The following SEMA6D variants were observed in gnomAD, a reference collection of about 807,000 sequenced individuals.
SEMA6D encodes the protein semaphorin 6D.
A neutral mutation model predicts 106.6 loss-of-function variants in SEMA6D; 35 were observed. The ratio of observed to expected loss-of-function variants is 0.33; its 90% CI spans 0.25 to 0.44. The LOEUF (loss-of-function observed/expected upper bound fraction) is 0.44, where lower values mean the gene tolerates loss of function less well. Ranked by LOEUF, SEMA6D falls within the 20% of genes least tolerant of loss-of-function variation. The pLI is 1.00. For synonymous variants in SEMA6D, 499 were observed against 487.7 expected (o/e 1.02, Z -0.31); for missense variants, 1,185 against 1,345.9 (o/e 0.88, Z 1.87).
At chr15:47,697,436 C>G (rs1263086598) in intron 4 of SEMA6D, among the ~76,000 whole-genome samples, 1 of 152,148 alleles carries the variant, frequency 6.6e-6, no homozygotes, top group African/African-American at 2.4e-5. Context: ...GTTTGTTGCC[C>G]TAGTTTACCT....
chr15:47,642,279 A>G (rs2077502096), intron 4 of SEMA6D, among the ~76,000 whole-genome samples: 1 of 152,244 alleles, frequency 6.6e-6, no homozygotes. Flanking sequence ...GCTGGAAAGA[A>G]ACATAAAGAT....
intron 1 of SEMA6D, among the ~76,000 whole-genome samples, chr15:47,247,976 A>T (rs1293660895): frequency 1.3e-5 from 2 of 152,184 alleles, no homozygotes; most frequent in African/African-American, 4.8e-5. Context: ...CTCAGGTTCA[A>T]ATCTATAAAA....
intron 1 of SEMA6D, among the ~76,000 whole-genome samples, chr15:47,205,434 T>C (rs1303519171): frequency 6.6e-6 from 1 of 152,140 alleles, no homozygotes; most frequent in Non-Finnish European, 1.5e-5. Flanking sequence ...AATCAATGAG[T>C]GAGTGAGAGT....
chr15:47,429,004 GAGGAAGGAATGA>G (rs552901237), intron 2 of SEMA6D, among the ~76,000 whole-genome samples: 2 of 151,376 alleles, frequency 1.3e-5, no homozygotes, highest in East Asian at 1.9e-4. Context: ...GGGAGGGAGG[GAGGAAGGAATGA>G]AGGAAGGAAG....
At chr15:47,563,679 T>C (rs866062123) in intron 3 of SEMA6D, among the ~76,000 whole-genome samples, 43 of 152,348 alleles carry the variant, frequency 2.8e-4, no homozygotes, top group Middle Eastern at 6.8e-3. Flanking sequence ...CTCTTTCTTT[T>C]TGAGAGCATT....
intron 1 of SEMA6D, among the ~76,000 whole-genome samples, chr15:47,312,779 T>C (rs1255809475): frequency 6.6e-6 from 1 of 152,220 alleles, no homozygotes; most frequent in Non-Finnish European, 1.5e-5. Flanking sequence ...ATACTCAGTA[T>C]AAAAATTATT....
At chr15:47,408,025 C>T (rs2040655366) in intron 1 of SEMA6D, among the ~76,000 whole-genome samples, 1 of 152,162 alleles carries the variant, frequency 6.6e-6, no homozygotes, top group South Asian at 2.1e-4. Flanking sequence ...AGATAGGACT[C>T]TTAACCAAGT....
intron 2 of SEMA6D, among the ~76,000 whole-genome samples, chr15:47,433,839 A>C (rs1238809245): frequency 6.6e-6 from 1 of 152,170 alleles, no homozygotes; most frequent in Non-Finnish European, 1.5e-5. Context: ...CATTCGGTTC[A>C]ATTATAAGAT....
At chr15:47,583,238 G>A (rs1185306587) in intron 3 of SEMA6D, among the ~76,000 whole-genome samples, 1 of 152,164 alleles carries the variant, frequency 6.6e-6, no homozygotes, top group African/African-American at 2.4e-5. Flanking sequence ...TAGAAACTGA[G>A]TTTCTAGGAT....
intron 1 of SEMA6D, among the ~76,000 whole-genome samples, chr15:47,194,319 A>G (rs16959029): frequency 0.028 from 4,246 of 152,282 alleles, 101 homozygotes; most frequent in Middle Eastern, 0.1. Flanking sequence ...ATGTCTTAAA[A>G]ATGCTTGTCA....
intron 3 of SEMA6D, among the ~76,000 whole-genome samples, chr15:47,534,627 G>A (rs1266967634): frequency 6.6e-6 from 1 of 152,152 alleles, no homozygotes; most frequent in Non-Finnish European, 1.5e-5. Flanking sequence ...AAATGCTCAT[G>A]TAAATAAGTA....
chr15:47,357,813 TTAA>T (rs2038646456), intron 1 of SEMA6D, among the ~76,000 whole-genome samples: 1 of 152,218 alleles, frequency 6.6e-6, no homozygotes, highest in Admixed American at 6.5e-5. Flanking sequence ...ACACTGAGTG[TTAA>T]CCATCACAGC....
At chr15:47,561,997 A>G (rs147707416) in intron 3 of SEMA6D, among the ~76,000 whole-genome samples, 107 of 152,178 alleles carry the variant, frequency 7.0e-4, no homozygotes, top group African/African-American at 2.5e-3. Flanking sequence ...ACAATAGCCA[A>G]TACAACATTA....
intron 2 of SEMA6D, among the ~76,000 whole-genome samples, chr15:47,435,039 A>G (rs2041656589): frequency 6.6e-6 from 1 of 152,166 alleles, no homozygotes; most frequent in Non-Finnish European, 1.5e-5. Flanking sequence ...TAAATTCTTA[A>G]AAAATGGCCA....
At chr15:47,423,698 A>G (rs2041241500) in intron 2 of SEMA6D, among the ~76,000 whole-genome samples, 1 of 152,100 alleles carries the variant, frequency 6.6e-6, no homozygotes, top group African/African-American at 2.4e-5. Flanking sequence ...ATTCACCACT[A>G]CAGTAAACAA....
chr15:47,285,594 G>A (rs1386328503), intron 1 of SEMA6D, among the ~76,000 whole-genome samples: 2 of 152,120 alleles, frequency 1.3e-5, no homozygotes, highest in African/African-American at 4.8e-5. Context: ...GTCTGCTATT[G>A]CATTTTTTTG....
In SEMA6D at chr15:47,757,166, C is replaced by G. The variant is rs567612434; in HGVS notation, c.-54-2579C>G. On this transcript the variant is annotated intron_variant, in intron 1 of 18. Transcript: ENST00000536845. The stretch of plus-strand genomic sequence containing the variant: ...TTCCTGGTGAGGGCTCCTCCCCGCC[C>G]TGCTGTCTGGGACATGGATGTTCTG... Among the ~76,000 whole-genome samples, 20 of 152,306 alleles carry G rather than the reference C, an allele frequency of 1.3e-4. No homozygotes were observed. In the East Asian group the frequency reaches 3.9e-3, roughly 29 times the overall value.
intron 3 of SEMA6D, among the ~76,000 whole-genome samples, chr15:47,542,937 AAG>A (rs1291858172): frequency 6.6e-6 from 1 of 152,136 alleles, no homozygotes; most frequent in East Asian, 1.9e-4. Context: ...AAGCCAGCTC[AAG>A]TGTCCTCCTT....
chr15:47,452,181 A>C (rs1387572130), intron 2 of SEMA6D, among the ~76,000 whole-genome samples: 1 of 152,050 alleles, frequency 6.6e-6, no homozygotes, highest in Non-Finnish European at 1.5e-5. Flanking sequence ...AAATTAAAAC[A>C]AAACAAAACT....
Sources: gnomAD v4.1 joint callset for allele counts (sites outside exome capture counted in the v4.1 genomes callset) on GRCh38, gnomAD v4.1.1 for gene constraint, MANE v1.5 for transcripts, NCBI Gene and HGNC (gene_info 2026-07-23, HGNC 2026-07-21) for gene names.